Variants in NTMT2 observed in about 807,000 individuals in gnomAD.
The protein encoded by NTMT2 is X-Pro-Lys N-terminal protein methyltransferase 1B.
A neutral mutation model predicts 23.4 loss-of-function variants in NTMT2; 21 were observed. The ratio of observed to expected loss-of-function variants is 0.90; its 90% CI spans 0.64 to 1.29. The LOEUF is 1.29. NTMT2 is among the 50% of genes most tolerant of loss of function. NTMT2 has a pLI of 0.00. For synonymous variants in NTMT2, 131 were observed against 127.7 expected, an observed-to-expected ratio of 1.03 and a Z score of -0.17; for missense variants, 336 against 352.0, an observed-to-expected ratio of 0.95 and a Z score of 0.36.
chr1:170,148,496 G>A (rs916771064), intron 1 of NTMT2, among the ~76,000 whole-genome samples: 5 of 151,876 alleles, frequency 3.3e-5, no homozygotes, highest in African/African-American at 9.7e-5. Flanking sequence ...TTACTTATTT[G>A]CAGCTTTCCA....
At chr1:170,148,452 C>G (rs1673009954) in intron 1 of NTMT2, among the ~76,000 whole-genome samples, 1 of 151,950 alleles carries the variant, frequency 6.6e-6, no homozygotes, top group African/African-American at 2.4e-5. Context: ...GTTTGAAAAC[C>G]ATTAGTCTAT....
rs12760647 is a variant in NTMT2, at chr1:170,164,077, G to A, written c.331-2425G>A. Among the ~76,000 whole-genome samples, 704 of 143,382 alleles carry A rather than the reference G, an allele frequency of 4.9e-3. 6 individuals carry two copies. The highest frequency in any genetic ancestry group is 7.2e-3 in the Non-Finnish European group (484 of 67,032). The allele number at this position is 143,382 out of a possible 152,430, so 94.1% of individuals were successfully genotyped here. ...GTGGAGGTTGCAGTGAGCTGAGATCGTGCCACTGCACTCCAGGCTGGGTGA... is the reference window on the plus strand; with the variant it reads ...GTGGAGGTTGCAGTGAGCTGAGATCATGCCACTGCACTCCAGGCTGGGTGA... On this transcript the variant is annotated intron_variant, in intron 2 of 3. Coordinates refer to ENST00000439373, the MANE Select transcript of NTMT2 (RefSeq NM_001136107.2).
intron 1 of NTMT2, 126 bp from the exon 2 acceptor site, chr1:170,160,392 C>T: frequency 1.2e-6 from 1 of 866,588 alleles, no homozygotes; most frequent in South Asian, 2.7e-5. Flanking sequence ...AATCTTTTGA[C>T]TTCAAACCAG....
At position 170,153,042 on chromosome 1, in the gene NTMT2, C is replaced by G. The variant is rs187111037; in HGVS notation, c.154+6781C>G. Among the ~76,000 whole-genome samples the G allele has an allele frequency of 2.4e-4, 37 of 152,236 alleles. No homozygotes were observed. In the East Asian group the frequency reaches 5.8e-3, roughly 24 times the overall value. On this transcript the variant is annotated intron_variant, in intron 1 of 3. Coordinates refer to ENST00000439373, the MANE Select transcript of NTMT2 (RefSeq NM_001136107.2). ...AAAATTGTGTGGCACTTCACCCCAC[C>G]TTTTACTCCCACTCTTGCCATGTGA...
Position 170,166,421 on chromosome 1 carries a change from G to A in NTMT2, c.331-81G>A, listed in dbSNP as rs1372186988. 1.6e-5 allele frequency: 23 copies of A among 1,480,154 alleles called. No individual in the cohort carries two copies. The African/African-American group carries it at 2.2e-4, about 14-fold the overall frequency. The allele number at this position is 1,480,154 out of a possible 1,614,324, so 91.7% of individuals were successfully genotyped here. ...CTCCCAAAGTGCTGGGATTACAAGC[G>A]TGAGCCACCGCGCCCGGCCTGGGTG... On this transcript the variant is annotated intron_variant, in intron 2 of 3. Coordinates refer to ENST00000439373, the MANE Select transcript of NTMT2 (RefSeq NM_001136107.2).
chr1:170,147,514 C>T (rs1035019706), intron 1 of NTMT2, among the ~76,000 whole-genome samples: 4 of 151,784 alleles, frequency 2.6e-5, no homozygotes, highest in South Asian at 4.2e-4. Flanking sequence ...TCTTTTAGGA[C>T]GTATAATACA....
chr1:170,166,536 A>G lies in NTMT2; in HGVS notation c.365A>G (p.Asp122Gly). ...PGRAGTDCAL[D>G]CGSGIGRVSK... ...AGAGCTGGAACAGACTGCGCCTTGG[A>G]CTGCGGCTCCGGGATAGGAAGGGTC... The change falls in exon 3 of 4, where the codon GAC becomes GGC. Residue 122 changes from aspartate (D) to glycine (G), a missense_variant. Transcript: ENST00000439373. 1 of 1,552,252 alleles carries G rather than the reference A, an allele frequency of 6.4e-7. No individual in the cohort carries two copies. Among genetic ancestry groups the G allele is most frequent in the South Asian group, 1.2e-5 (1 of 84,062 alleles).
intron 1 of NTMT2, among the ~76,000 whole-genome samples, chr1:170,155,023 C>G (rs1270702260): frequency 6.6e-6 from 1 of 151,430 alleles, no homozygotes; most frequent in Admixed American, 6.6e-5. Context: ...CCTCCCCTTG[C>G]TCCTGCTCTG....
chr1:170,166,750 T>C lies in NTMT2; in HGVS notation c.579T>C (p.Ser193=), dbSNP rs1447006733. The change falls in exon 3 of 4, where the codon TCT becomes TCC. Residue 193 remains serine (S), a splice_region_variant and synonymous_variant. Coordinates refer to ENST00000439373, the MANE Select transcript of NTMT2 (RefSeq NM_001136107.2). ...RYDVIWIQWV[S]GHLTDKDLLA... ...ATGTCATCTGGATTCAGTGGGTCTC[T>C]GGTTAGTCCTGCATGACTTTCCCTC... 1 of 1,552,168 alleles carries C rather than the reference T, an allele frequency of 6.4e-7. No individual in the cohort carries two copies. The highest frequency in any genetic ancestry group is 2.0e-5 in the Admixed American group (1 of 51,016).
rs1021057539 is a variant in NTMT2 at position 170,168,798 on chromosome 1, C to T, written c.*1041C>T. 2.3e-4 allele frequency among the ~76,000 whole-genome samples: 35 copies of T among 152,118 alleles called. No individual in the cohort carries two copies. The highest frequency in any genetic ancestry group is 8.5e-4 in the African/African-American group (35 of 41,402). On this transcript the variant is annotated 3_prime_UTR_variant, in exon 4 of 4. Coordinates refer to ENST00000439373, the MANE Select transcript of NTMT2 (RefSeq NM_001136107.2). Reference sequence around the variant, plus strand: ...AAAGAGAAGCAGCAAAAGAAATGGACAAGGAAATGATAACCCTGAAAATTG... The same window carrying T: ...AAAGAGAAGCAGCAAAAGAAATGGATAAGGAAATGATAACCCTGAAAATTG...
chr1:170,167,502 G>A lies in NTMT2; in HGVS notation c.597G>A (p.Lys199=). The A allele has an allele frequency of 6.4e-7, 1 of 1,550,510 alleles. No individual in the cohort carries two copies. Among genetic ancestry groups the A allele is most frequent in the East Asian group, 2.4e-5 (1 of 40,920 alleles). ...CCCTTGTAGGGCACCTGACTGATAA[G>A]GACCTTCTTGCATTTCTTTCCCGGT... ...IQWVSGHLTD[K]DLLAFLSRCR... Residue 199 remains lysine (K), a synonymous_variant, in exon 4 of 4, where the codon AAG becomes AAA. Coordinates refer to ENST00000439373, the MANE Select transcript of NTMT2 (RefSeq NM_001136107.2).
At chr1:170,166,847 G>C in intron 3 of NTMT2, 96 bp downstream of exon 3, 1 of 1,342,338 alleles carries the variant, frequency 7.4e-7, no homozygotes, top group Non-Finnish European at 1.0e-6. Context: ...AGAGTTAGCT[G>C]TAGTACTTCA....
intron 1 of NTMT2, among the ~76,000 whole-genome samples, chr1:170,150,817 A>C (rs1398137009): frequency 6.6e-6 from 1 of 152,172 alleles, no homozygotes; most frequent in East Asian, 1.9e-4. Flanking sequence ...ATTCATGAAC[A>C]AATAGGAAAT....
chr1:170,163,551 A>G (rs1356670395), intron 2 of NTMT2, among the ~76,000 whole-genome samples: 1 of 152,228 alleles, frequency 6.6e-6, no homozygotes, highest in Non-Finnish European at 1.5e-5. Context: ...GAAAGTAGTA[A>G]TTCATAAAAA....
At chr1:170,153,879 G>GTGC (rs1673115966) in intron 1 of NTMT2, among the ~76,000 whole-genome samples, 1 of 152,058 alleles carries the variant, frequency 6.6e-6, no homozygotes, top group African/African-American at 2.4e-5. Flanking sequence ...AGTGAGCCAG[G>GTGC]TGCTAATAGC....
rs1404870329 is a variant in NTMT2, at chr1:170,146,026, A to T, written c.-82A>T. 12 of 1,324,046 alleles carry T rather than the reference A, an allele frequency of 9.1e-6. No homozygotes were observed. The East Asian group carries it at 2.8e-4, about 31-fold the overall frequency. 82.0% of individuals were successfully genotyped at this position (1,324,046 alleles called of 1,614,324 possible). The stretch of plus-strand genomic sequence containing the variant: ...GGTTTAAAATGACAGTCTCAAGTTC[A>T]TTTAGAAAGAGAAGGCTAATTCAAA... On this transcript the variant is annotated 5_prime_UTR_variant, in exon 1 of 4. Coordinates refer to ENST00000439373, the MANE Select transcript of NTMT2 (RefSeq NM_001136107.2).
intron 1 of NTMT2, 25 bp from the exon 2 acceptor site, chr1:170,160,493 C>G (rs775927304): frequency 1.4e-6 from 2 of 1,454,772 alleles, no homozygotes; most frequent in South Asian, 2.9e-5. Flanking sequence ...AATATTAATA[C>G]CTATTAATAA....
intron 2 of NTMT2, 64 bp downstream of exon 2, chr1:170,160,757 C>A: frequency 7.4e-7 from 1 of 1,358,598 alleles, no homozygotes; most frequent in Non-Finnish European, 9.8e-7. Context: ...GCTCGCATGC[C>A]TCTGTGTTGT....
intron 1 of NTMT2, among the ~76,000 whole-genome samples, chr1:170,154,420 G>A (rs1221367246): frequency 6.6e-6 from 1 of 152,176 alleles, no homozygotes; most frequent in Non-Finnish European, 1.5e-5. Flanking sequence ...ACCTCAGTAT[G>A]GACTAGCCCA....
Sources: gnomAD v4.1 joint callset for allele counts (sites outside exome capture counted in the v4.1 genomes callset) on GRCh38, gnomAD v4.1.1 for gene constraint, MANE v1.5 for transcripts, NCBI Gene and HGNC (gene_info 2026-07-23, HGNC 2026-07-21) for gene names.